USP34: variants seen among roughly 807,000 people sequenced by gnomAD.
USP34 encodes ubiquitin specific peptidase 34.
USP34 carries 70 observed loss-of-function variants against 460.3 expected under a neutral mutation model. The observed-to-expected ratio is 0.15, with a 90% CI of 0.13 to 0.19. The LOEUF (loss-of-function observed/expected upper bound fraction) is 0.19. Ranked by LOEUF, USP34 falls within the 10% of genes least tolerant of loss-of-function variation. The pLI is 1.00. For missense variants in USP34, 3,985 were observed against 4,236.2 expected (o/e 0.94, Z 1.65); for synonymous variants, 1,647 against 1,405.3 (o/e 1.17, Z -3.85).
chr2:61,194,865 A>T (rs931919410), intron 75 of USP34, among the ~76,000 whole-genome samples: 2 of 151,844 alleles, frequency 1.3e-5, no homozygotes, highest in Non-Finnish European at 2.9e-5. Flanking sequence ...ACGCAGGAGA[A>T]TTGCTTGAAC....
At chr2:61,337,249 T>G (rs1272345662) in intron 18 of USP34, among the ~76,000 whole-genome samples, 1 of 152,138 alleles carries the variant, frequency 6.6e-6, no homozygotes, top group African/African-American at 2.4e-5. Flanking sequence ...AATAAAATAA[T>G]AGAGATACAT....
intron 5 of USP34, among the ~76,000 whole-genome samples, chr2:61,386,326 T>A (rs529388651): frequency 8.5e-4 from 129 of 152,134 alleles, no homozygotes; most frequent in Non-Finnish European, 1.6e-3. Context: ...ATGACTGTCT[T>A]TGTGACAGTG....
At chr2:61,358,358 T>C (rs1692169855) in intron 10 of USP34, among the ~76,000 whole-genome samples, 1 of 152,016 alleles carries the variant, frequency 6.6e-6, no homozygotes, top group Non-Finnish European at 1.5e-5. Context: ...AGGGCATTCA[T>C]ACTAAACTTA....
intron 23 of USP34, 143 bp from the exon 24 acceptor site, chr2:61,315,117 C>T: frequency 1.7e-6 from 1 of 589,594 alleles, no homozygotes; most frequent in Non-Finnish European, 2.9e-6. Context: ...TAAAAATTTC[C>T]TCAATTGATG....
intron 1 of USP34, among the ~76,000 whole-genome samples, chr2:61,433,705 C>T (rs1206174374): frequency 1.3e-5 from 2 of 152,116 alleles, no homozygotes; most frequent in African/African-American, 4.8e-5. Flanking sequence ...TAGACAACTG[C>T]TGGAAATCCA....
intron 5 of USP34, 46 bp downstream of exon 5, chr2:61,394,807 C>T (rs185094155): frequency 6.8e-4 from 964 of 1,410,714 alleles, no homozygotes; most frequent in Non-Finnish European, 8.3e-4. Flanking sequence ...TACTGATATG[C>T]TAGACATTGC....
intron 5 of USP34, among the ~76,000 whole-genome samples, chr2:61,388,780 T>C (rs905257615): frequency 4.0e-5 from 6 of 151,488 alleles, no homozygotes; most frequent in Non-Finnish European, 7.4e-5. Context: ...TATATATATA[T>C]ATATGTACAC....
chr2:61,352,319 T>C (rs1036603014), intron 10 of USP34, among the ~76,000 whole-genome samples: 2 of 151,880 alleles, frequency 1.3e-5, no homozygotes, highest in Non-Finnish European at 1.5e-5. Context: ...TTTATATATA[T>C]AGTATATGTA....
intron 27 of USP34, among the ~76,000 whole-genome samples, chr2:61,307,844 T>G (rs1248080663): frequency 2.0e-5 from 3 of 151,886 alleles, no homozygotes; most frequent in Non-Finnish European, 4.4e-5. Flanking sequence ...GACCAGGAGT[T>G]AAATAACCAG....
chr2:61,376,040 T>C (rs1199418085), intron 8 of USP34, among the ~76,000 whole-genome samples: 11 of 152,102 alleles, frequency 7.2e-5, no homozygotes. Flanking sequence ...GAAAGTAGAT[T>C]AGTGAGGCTG....
intron 53 of USP34, among the ~76,000 whole-genome samples, chr2:61,240,950 AG>A (rs1178076743): frequency 6.6e-6 from 1 of 152,186 alleles, no homozygotes; most frequent in Non-Finnish European, 1.5e-5. Context: ...ACACAACAGA[AG>A]GAACACTTAC....
At chr2:61,376,208 T>C (rs1692795446) in intron 8 of USP34, among the ~76,000 whole-genome samples, 1 of 145,084 alleles carries the variant, frequency 6.9e-6, no homozygotes, top group Non-Finnish European at 1.5e-5. Flanking sequence ...TTTATATGTA[T>C]TTATATGTTA....
At chr2:61,254,530 T>C (rs1688669046) in intron 48 of USP34, among the ~76,000 whole-genome samples, 1 of 152,254 alleles carries the variant, frequency 6.6e-6, no homozygotes, top group South Asian at 2.1e-4. Context: ...GACATTTCTA[T>C]TTCTCTGCAT....
At chr2:61,304,518 A>G (rs551298116) in intron 27 of USP34, among the ~76,000 whole-genome samples, 1 of 152,348 alleles carries the variant, frequency 6.6e-6, no homozygotes, top group Admixed American at 6.5e-5. Context: ...GTTATTAGAT[A>G]TCAGGCAGAG....
At chr2:61,209,235 A>G (rs1247746328) in intron 69 of USP34, among the ~76,000 whole-genome samples, 1 of 152,256 alleles carries the variant, frequency 6.6e-6, no homozygotes, top group Non-Finnish European at 1.5e-5. Context: ...ATATTTTTAA[A>G]GTTTCCACAT....
At chr2:61,391,804 A>G (rs1693355235) in intron 5 of USP34, among the ~76,000 whole-genome samples, 1 of 152,202 alleles carries the variant, frequency 6.6e-6, no homozygotes, top group African/African-American at 2.4e-5. Flanking sequence ...TGTACACTAA[A>G]ATATTAACCA....
intron 67 of USP34, 33 bp downstream of exon 67, chr2:61,220,277 A>C: frequency 6.4e-7 from 1 of 1,574,602 alleles, no homozygotes; most frequent in Non-Finnish European, 8.6e-7. Flanking sequence ...ACAATAAATA[A>C]ATGGTTTATG....
At chr2:61,390,063 T>C (rs1309849197) in intron 5 of USP34, among the ~76,000 whole-genome samples, 1 of 152,132 alleles carries the variant, frequency 6.6e-6, no homozygotes, top group African/African-American at 2.4e-5. Flanking sequence ...TAAAAAGCAG[T>C]CTTAGGACAC....
intron 25 of USP34, among the ~76,000 whole-genome samples, chr2:61,313,669 A>G (rs1234664956): frequency 6.6e-6 from 1 of 152,146 alleles, no homozygotes; most frequent in African/African-American, 2.4e-5. Context: ...GTGTAAAAAA[A>G]TGAGTTCCTT....
Sources: gnomAD v4.1 joint callset for allele counts (sites outside exome capture counted in the v4.1 genomes callset) on GRCh38, gnomAD v4.1.1 for gene constraint, MANE v1.5 for transcripts, NCBI Gene and HGNC (gene_info 2026-07-23, HGNC 2026-07-21) for gene names.